The following SGO2 variants were observed in gnomAD, a reference collection of about 807,000 sequenced individuals.
SGO2 encodes shugoshin-like 2.
SGO2 carries 68 observed loss-of-function variants against 99.5 expected under a neutral mutation model. That is an observed-to-expected ratio of 0.68 (90% CI 0.56 to 0.84). SGO2 has a LOEUF of 0.84. SGO2 is among the 40% of genes least tolerant of loss of function. The pLI is 0.00. For synonymous variants in SGO2, 457 were observed against 487.1 expected (o/e 0.94, Z 0.81); for missense variants, 1,350 against 1,436.7 (o/e 0.94, Z 0.97).
chr2:200,530,166 T>C (rs2031306067), intron 1 of SGO2, among the ~76,000 whole-genome samples: 1 of 152,124 alleles, frequency 6.6e-6, no homozygotes, highest in African/African-American at 2.4e-5. Flanking sequence ...TATAGATTAG[T>C]TCACTGTAGG....
intron 8 of SGO2, among the ~76,000 whole-genome samples, chr2:200,581,014 A>T (rs1192338599): frequency 6.6e-6 from 1 of 152,194 alleles, no homozygotes; most frequent in Admixed American, 6.5e-5. Context: ...TTCCAGGTAG[A>T]TGAACCTTTC....
chr2:200,545,193 G>T (rs2032157694), intron 5 of SGO2, among the ~76,000 whole-genome samples: 1 of 152,062 alleles, frequency 6.6e-6, no homozygotes, highest in Non-Finnish European at 1.5e-5. Context: ...TTTTTGTAGA[G>T]ACAGGGTTTT....
chr2:200,546,998 T>C (rs1053744872), intron 5 of SGO2, among the ~76,000 whole-genome samples: 2 of 152,182 alleles, frequency 1.3e-5, no homozygotes, highest in Non-Finnish European at 2.9e-5. Context: ...ATGAGAAAGA[T>C]ATACATGTCC....
In SGO2 at chr2:200,575,430, C is replaced by T. The variant is rs2033622156; in HGVS notation, c.3751C>T (p.Pro1251Ser). Reference sequence around the variant, plus strand: ...GACAAGCAGAAGAAGAAGGTGTACTCCTTTCTATTTTAAAGAGCCAAGCCT... The same window carrying T: ...GACAAGCAGAAGAAGAAGGTGTACTTCTTTCTATTTTAAAGAGCCAAGCCT... ...ERTSRRRRCT[P>S]FYFKEPSLRD... Residue 1251 changes from proline (P) to serine (S), a missense_variant, in exon 8 of 9, where the codon CCT becomes TCT. Physicochemically the swap from Pro to Ser is moderately conservative, Grantham distance 74. Transcript: ENST00000357799. 6.3e-7 allele frequency: 1 copy of T among 1,595,934 alleles called. No homozygotes were observed. The highest frequency in any genetic ancestry group is 8.6e-7 in the Non-Finnish European group (1 of 1,168,514).
intron 5 of SGO2, among the ~76,000 whole-genome samples, chr2:200,554,975 T>C (rs946517243): frequency 1.3e-5 from 2 of 152,204 alleles, no homozygotes; most frequent in African/African-American, 4.8e-5. Context: ...GTTCAATTTA[T>C]GGAAAGACAG....
chr2:200,573,905 A>G lies in SGO2; in HGVS notation c.3559A>G (p.Ser1187Gly), dbSNP rs552304977. The G allele has an allele frequency of 3.7e-6, 6 of 1,610,744 alleles. No homozygotes were observed. In the South Asian group the frequency reaches 6.6e-5, roughly 18 times the overall value. Reference sequence around the variant, plus strand: ...GGAGTGCTCCCCAGCCTTTCAAGTAAGTGATGATGAGCATGAGAAGATGAA... The same window carrying G: ...GGAGTGCTCCCCAGCCTTTCAAGTAGGTGATGATGAGCATGAGAAGATGAA... ...ALECSPAFQV[S>G]DDEHEKMNKM... The change falls in exon 7 of 9, where the codon AGT becomes GGT. Residue 1187 changes from serine to glycine, a missense_variant. Coordinates refer to ENST00000357799, the MANE Select transcript of SGO2 (RefSeq NM_152524.6).
At chr2:200,578,455 A>AT (rs2033737988) in intron 8 of SGO2, among the ~76,000 whole-genome samples, 2 of 152,208 alleles carry the variant, frequency 1.3e-5, no homozygotes, top group Non-Finnish European at 2.9e-5. Context: ...ACAAAGCTGC[A>AT]CTAAAGGTGT....
In SGO2 at chr2:200,571,948, T is replaced by C. The variant is rs780072332; in HGVS notation, c.1602T>C (p.Ser534=). 18 of 1,610,990 alleles carry C rather than the reference T, an allele frequency of 1.1e-5. No individual in the cohort carries two copies. The highest frequency in any genetic ancestry group is 2.7e-5 in the African/African-American group (2 of 74,654). The change falls in exon 7 of 9, where the codon TCT becomes TCC. Residue 534 remains serine (S), a synonymous_variant. Coordinates refer to ENST00000357799, the MANE Select transcript of SGO2 (RefSeq NM_152524.6). The stretch of plus-strand genomic sequence containing the variant: ...TAACTTGTAATAAAAGTAAAGCTTC[T>C]AGACAGACATTTGTGATTCACAAAT... ...NSLTCNKSKA[S]RQTFVIHKLE...
chr2:200,563,822 C>G (rs2033074737), intron 5 of SGO2, among the ~76,000 whole-genome samples: 2 of 152,180 alleles, frequency 1.3e-5, no homozygotes, highest in Admixed American at 1.3e-4. Context: ...TCCATTTCTT[C>G]TAGATTTTCT....
rs937522273 is a variant in SGO2 at position 200,573,418 on chromosome 2, A to C, written c.3072A>C (p.Lys1024Asn). The C allele has an allele frequency of 4.4e-6, 7 of 1,606,024 alleles. No homozygotes were observed. The African/African-American group carries it at 9.4e-5, about 22-fold the overall frequency. Residue 1024 changes from lysine (K) to asparagine (N), a missense_variant, in exon 7 of 9, where the codon AAA becomes AAC. Transcript: ENST00000357799. ...QTSISLESDL[K>N]HITSEADSDP... ...CTATCTCCTTAGAATCTGATTTAAA[A>C]CATATTACTAGTGAAGCAGATTCTG...
Position 200,536,129 on chromosome 2 carries a change from G to A in SGO2, c.374G>A (p.Ser125Asn), listed in dbSNP as rs1246732103. The A allele has an allele frequency of 1.5e-5, 24 of 1,593,988 alleles. No individual in the cohort carries two copies. Among genetic ancestry groups the A allele is most frequent in the Non-Finnish European group, 2.0e-5 (23 of 1,166,024 alleles). The change falls in exon 4 of 9, where the codon AGC becomes AAC. Residue 125 changes from serine (S) to asparagine (N), a missense_variant. Ser to Asn is a conservative substitution (Grantham distance 46, BLOSUM62 1). Coordinates refer to ENST00000357799, the MANE Select transcript of SGO2 (RefSeq NM_152524.6). The part of the protein sequence containing the change: ...NNNLITAIEM[S>N]SLSEFHQSSF... ...AACTTGATAACTGCAATTGAAATGAGCAGTCTTTCTGAGGTAAGTAGAATT... is the reference window on the plus strand; with the variant it reads ...AACTTGATAACTGCAATTGAAATGAACAGTCTTTCTGAGGTAAGTAGAATT...
intron 5 of SGO2, among the ~76,000 whole-genome samples, chr2:200,561,936 T>A (rs1286781937): frequency 2.0e-5 from 3 of 152,182 alleles, no homozygotes; most frequent in Non-Finnish European, 2.9e-5. Flanking sequence ...GTTTAAGTTC[T>A]TTGTAGATTC....
intron 5 of SGO2, among the ~76,000 whole-genome samples, chr2:200,553,338 T>C (rs1574855462): frequency 6.6e-6 from 1 of 152,198 alleles, no homozygotes; most frequent in African/African-American, 2.4e-5. Context: ...GAAACCAAGC[T>C]AATAGGGAGT....
At chr2:200,534,873 A>G in intron 2 of SGO2, 123 bp from the exon 3 acceptor site, 1 of 621,202 alleles carries the variant, frequency 1.6e-6, no homozygotes, top group Non-Finnish European at 2.6e-6. Flanking sequence ...CTGTATTGTT[A>G]TTCCCTTTTC....
chr2:200,582,688 T>G (rs1472127802), intron 8 of SGO2, among the ~76,000 whole-genome samples: 2 of 152,104 alleles, frequency 1.3e-5, no homozygotes, highest in East Asian at 1.9e-4. Flanking sequence ...ATCTCACACC[T>G]CAACATGTTT....
At chr2:200,569,972 A>G (rs926172043) in intron 6 of SGO2, 80 bp downstream of exon 6, 6 of 882,900 alleles carry the variant, frequency 6.8e-6, no homozygotes, top group South Asian at 6.5e-5. Flanking sequence ...GCAATTATGT[A>G]TAACAGTTAA....
In SGO2 at chr2:200,536,143, G is replaced by GT; in HGVS notation, c.387+2dup. The GT allele has an allele frequency of 1.3e-6, 2 of 1,577,410 alleles. No individual in the cohort carries two copies. Among genetic ancestry groups the GT allele is most frequent in the South Asian group, 2.3e-5 (2 of 87,924 alleles). On this transcript the variant is annotated splice_donor_variant, in intron 4 of 8. Transcript: ENST00000357799. LOFTEE classifies it high-confidence loss of function. ...AATTGAAATGAGCAGTCTTTCTGAG[G>GT]TAAGTAGAATTTATATGTAAATAGT...
At chr2:200,567,912 A>G (rs755163806) in intron 5 of SGO2, among the ~76,000 whole-genome samples, 3 of 152,348 alleles carry the variant, frequency 2.0e-5, no homozygotes, top group East Asian at 1.9e-4. Flanking sequence ...TAATGCTGCA[A>G]TAAACATTCA....
chr2:200,571,354 T>G lies in SGO2; in HGVS notation c.1008T>G (p.Ser336=). 1 of 1,612,834 alleles carries G rather than the reference T, an allele frequency of 6.2e-7. No homozygotes were observed. The highest frequency in any genetic ancestry group is 1.1e-5 in the South Asian group (1 of 91,028). The change falls in exon 7 of 9, where the codon TCT becomes TCG. Residue 336 remains serine, a synonymous_variant. Transcript: ENST00000357799. The part of the protein sequence containing the change: ...KQDLPGLSSE[S]AREPNAECMN... ...ATCTTCCTGGCTTATCTTCTGAGTCTGCCAGAGAACCTAATGCAGAGTGCA... is the reference window on the plus strand; with the variant it reads ...ATCTTCCTGGCTTATCTTCTGAGTCGGCCAGAGAACCTAATGCAGAGTGCA...
Sources: allele counts gnomAD v4.1 joint callset (sites outside exome capture counted in the v4.1 genomes callset), GRCh38; gene constraint gnomAD v4.1.1; transcripts MANE v1.5; gene names NCBI Gene and HGNC (gene_info 2026-07-23, HGNC 2026-07-21).